The following FRMPD3 variants were observed in gnomAD, a reference collection of about 807,000 sequenced individuals.
FRMPD3 encodes FERM and PDZ domain-containing protein 3.
A neutral mutation model predicts 97.9 loss-of-function variants in FRMPD3; 42 were observed. The observed-to-expected ratio is 0.43, with a 90% confidence interval of 0.34 to 0.55. The LOEUF (loss-of-function observed/expected upper bound fraction) is 0.55. FRMPD3 is among the 20% of genes least tolerant of loss of function. The pLI is 0.03. For synonymous variants in FRMPD3, 577 were observed against 581.1 expected, an observed-to-expected ratio of 0.99 and a Z score of 0.10; for missense variants, 1,303 against 1,457.7, an observed-to-expected ratio of 0.89 and a Z score of 1.73.
At chrX:107,550,426 T>C (rs1380104256) in intron 6 of FRMPD3, among the ~76,000 whole-genome samples, 1 of 112,430 alleles carries the variant, frequency 8.9e-6, no homozygotes. Context: ...TTGCGTTACA[T>C]GGGGTCCTTC....
rs971496535 is a variant in FRMPD3 at position 107,541,070 on chromosome X, TA to T, written c.298-4664del. Among the ~76,000 whole-genome samples the T allele has an allele frequency of 6.1e-4, 69 of 113,284 alleles. 1 individual carries two copies. The highest frequency in any genetic ancestry group is 1.1e-4 in the Non-Finnish European group (6 of 53,444). On this transcript the variant is annotated intron_variant, in intron 4 of 14. Coordinates refer to ENST00000683843, the MANE Select transcript of FRMPD3 (RefSeq NM_001388459.1). ...AATGAAGATCACGGCTGTGTTCCAG[TA>T]AAGCTTTATTTACAAAAACAGGTGG...
chrX:107,571,342 A>G (rs1223219310), intron 12 of FRMPD3, among the ~76,000 whole-genome samples: 1 of 111,977 alleles, frequency 8.9e-6, no homozygotes, highest in African/African-American at 3.3e-5. Context: ...TTTTGATTTC[A>G]TTTTTACCTG....
chrX:107,488,685 C>T (rs1033265500), intron 1 of FRMPD3, among the ~76,000 whole-genome samples: 2 of 111,284 alleles, frequency 1.8e-5, no homozygotes, highest in Non-Finnish European at 3.8e-5. Context: ...GATTGCAACC[C>T]GGCACTTTCA....
At chrX:107,539,244 G>A (rs1041122059) in intron 4 of FRMPD3, among the ~76,000 whole-genome samples, 3 of 111,357 alleles carry the variant, frequency 2.7e-5, no homozygotes, top group Non-Finnish European at 3.8e-5. Flanking sequence ...AGACAATTGG[G>A]GAGAGGGGTC....
chrX:107,462,804 G>A (rs1308327458), intron 1 of FRMPD3, among the ~76,000 whole-genome samples: 1 of 111,886 alleles, frequency 8.9e-6, no homozygotes, highest in Non-Finnish European at 1.9e-5. Flanking sequence ...CTGGGTCTTT[G>A]CAGACCACCT....
In FRMPD3 at chrX:107,487,900, G is replaced by A. The variant is rs1055923902; in HGVS notation, c.-8+37895G>A. ...AAGGAAATGTGTGTAGAAGGCTTAG[G>A]AGTGACAAAAGGATTTTCCTCGCAG... On this transcript the variant is annotated intron_variant, in intron 1 of 14. Coordinates refer to ENST00000683843, the MANE Select transcript of FRMPD3 (RefSeq NM_001388459.1). Among the ~76,000 whole-genome samples the A allele has an allele frequency of 1.3e-4, 15 of 112,208 alleles. 1 individual carries two copies. Among genetic ancestry groups the A allele is most frequent in the Admixed American group, 9.4e-4 (10 of 10,638 alleles).
intron 1 of FRMPD3, among the ~76,000 whole-genome samples, chrX:107,488,016 A>G (rs1389051050): frequency 9.0e-6 from 1 of 111,385 alleles, no homozygotes; most frequent in African/African-American, 3.3e-5. Flanking sequence ...GCTCACACCC[A>G]GTGCCTCATT....
chrX:107,507,011 G>A (rs916955049), intron 1 of FRMPD3, among the ~76,000 whole-genome samples: 3 of 110,905 alleles, frequency 2.7e-5, no homozygotes, highest in African/African-American at 9.8e-5. Context: ...GGGCCCGACG[G>A]TAAGTACTGC....
In FRMPD3 at chrX:107,600,660, C is replaced by G. The variant is rs1187429405; in HGVS notation, c.2621C>G (p.Ser874Cys). The change falls in exon 15 of 15, where the codon TCC (serine) becomes TGC (cysteine). Residue 874 changes from serine (S) to cysteine (C), a missense_variant. By Grantham distance (112) the Ser-to-Cys change is moderately radical. Around this residue, in one of 3 missense-constraint regions of FRMPD3, gnomAD observed 764 missense variants for 820.2 expected, o/e 0.93. Coordinates refer to ENST00000683843, the MANE Select transcript of FRMPD3 (RefSeq NM_001388459.1). Reference sequence around the variant, plus strand: ...CAGGTACAGGGAGAACGAACATACTCCTTGGCAGTGCACCCAGCACTGTCC... The same window carrying G: ...CAGGTACAGGGAGAACGAACATACTGCTTGGCAGTGCACCCAGCACTGTCC... Reference protein sequence around the residue: ...EGQVQGERTYSLAVHPALSPQ... With the variant: ...EGQVQGERTYCLAVHPALSPQ... 3.3e-6 allele frequency: 4 copies of G among 1,204,328 alleles called. No homozygotes were observed. In the African/African-American group the frequency reaches 7.0e-5, roughly 21 times the overall value.
rs139651961 is a variant in FRMPD3, at chrX:107,462,969, C to T, written c.-8+12964C>T. Among the ~76,000 whole-genome samples, 134 of 112,133 alleles carry T rather than the reference C, an allele frequency of 1.2e-3. 3 individuals carry two copies. In the East Asian group the frequency reaches 0.028, roughly 24 times the overall value. On this transcript the variant is annotated intron_variant, in intron 1 of 14. Transcript: ENST00000683843. ...TGCCACCACCCCCACAACCTCAGCT[C>T]CAGGCGCAGCTCAGGGTAGTCCTTC...
chrX:107,453,782 G>A (rs997556304), intron 1 of FRMPD3, among the ~76,000 whole-genome samples: 1 of 111,659 alleles, frequency 9.0e-6, no homozygotes, highest in Non-Finnish European at 1.9e-5. Flanking sequence ...CCCATGACAG[G>A]CAGAGCACCC....
At position 107,601,140 on chromosome X, in the gene FRMPD3, C is replaced by T; in HGVS notation, c.3101C>T (p.Pro1034Leu). 8.3e-7 allele frequency: 1 copy of T among 1,210,699 alleles called. No homozygotes were observed. Among genetic ancestry groups the T allele is most frequent in the Non-Finnish European group, 1.1e-6 (1 of 895,283 alleles). Residue 1034 changes from proline to leucine, a missense_variant, in exon 15 of 15, where the codon CCC becomes CTC. Coordinates refer to ENST00000683843, the MANE Select transcript of FRMPD3 (RefSeq NM_001388459.1). ...CTGGGTGCAGAGGTCTCTTCCAGCC[C>T]CAGAGCACCCACAGGCAGCCGGGCT... ...HQLGAEVSSS[P>L]RAPTGSRADS...
chrX:107,523,483 A>G (rs770736378), intron 1 of FRMPD3, among the ~76,000 whole-genome samples: 348 of 112,137 alleles, frequency 3.1e-3, no homozygotes, highest in Non-Finnish European at 4.3e-3. Context: ...TTTCTTGGCC[A>G]GTGAGTACAA....
intron 2 of FRMPD3, among the ~76,000 whole-genome samples, chrX:107,527,615 A>G (rs1922746295): frequency 8.9e-6 from 1 of 112,476 alleles, no homozygotes; most frequent in Admixed American, 9.4e-5. Flanking sequence ...TTTTGTTTCG[A>G]ATCTGCTAGG....
intron 1 of FRMPD3, among the ~76,000 whole-genome samples, chrX:107,481,675 G>A (rs1000811981): frequency 8.9e-6 from 1 of 111,944 alleles, no homozygotes; most frequent in Non-Finnish European, 1.9e-5. Context: ...AGAAGAGCTG[G>A]TCAGAATGAA....
Position 107,602,338 on chromosome X carries a change from C to T in FRMPD3, c.4299C>T (p.Pro1433=). 1.7e-6 allele frequency: 2 copies of T among 1,210,530 alleles called. No individual in the cohort carries two copies. Among genetic ancestry groups the T allele is most frequent in the South Asian group, 1.8e-5 (1 of 56,951 alleles). Reference sequence around the variant, plus strand: ...CCAAGGAGGTAGAGGCAAGCCTCCCCATAGCCTTGGGTCCCAAAAGCAGGT... The same window carrying T: ...CCAAGGAGGTAGAGGCAAGCCTCCCTATAGCCTTGGGTCCCAAAAGCAGGT... ...REAKEVEASL[P]IALGPKSRSL... The change falls in exon 15 of 15, where the codon CCC becomes CCT. Residue 1433 remains proline (P), a synonymous_variant. Transcript: ENST00000683843.
intron 13 of FRMPD3, among the ~76,000 whole-genome samples, chrX:107,594,718 C>T (rs921481194): frequency 9.0e-6 from 1 of 111,021 alleles, no homozygotes; most frequent in Non-Finnish European, 1.9e-5. Context: ...CCCATCTCTA[C>T]TAAACATACA....
At chrX:107,552,971 T>C in intron 7 of FRMPD3, 45 bp downstream of exon 7, 1 of 1,161,663 alleles carries the variant, frequency 8.6e-7, no homozygotes, top group Non-Finnish European at 1.2e-6. Context: ...TGGCCTCTAG[T>C]AGAGAAGACC....
At chrX:107,555,180 C>T (rs1282951339) in intron 8 of FRMPD3, 1 of 112,226 alleles carries the variant, frequency 8.9e-6, no homozygotes, top group Non-Finnish European at 1.9e-5. Context: ...CTTGCATTTA[C>T]AAAGCCATGG....
Sources: allele counts gnomAD v4.1 joint callset (sites outside exome capture counted in the v4.1 genomes callset), GRCh38; gene constraint gnomAD v4.1.1; regional missense constraint gnomAD v4.1.1; transcripts MANE v1.5; gene names NCBI Gene and HGNC (gene_info 2026-07-23, HGNC 2026-07-21).